Variants in ANKS1B observed in about 807,000 individuals in gnomAD.
ANKS1B encodes the protein ankyrin repeat and sterile alpha motif domain-containing protein 1B.
A neutral mutation model predicts 148.3 loss-of-function variants in ANKS1B; 36 were observed. The observed-to-expected ratio is 0.24, with a 90% CI of 0.19 to 0.32. The LOEUF (loss-of-function observed/expected upper bound fraction) is 0.32, where lower values mean the gene tolerates loss of function less well. ANKS1B is among the 10% of genes least tolerant of loss of function. The pLI is 1.00. For synonymous variants in ANKS1B, 542 were observed against 560.8 expected, an observed-to-expected ratio of 0.97 and a Z score of 0.47; for missense variants, 1,157 against 1,542.6, an observed-to-expected ratio of 0.75 and a Z score of 4.19.
At chr12:99,376,755 T>C (rs2093406447) in intron 12 of ANKS1B, among the ~76,000 whole-genome samples, 1 of 152,170 alleles carries the variant, frequency 6.6e-6, no homozygotes, top group Non-Finnish European at 1.5e-5. Flanking sequence ...CAAATATTTC[T>C]CTTGATGACA....
chr12:99,138,775 C>T (rs575831023), intron 15 of ANKS1B, among the ~76,000 whole-genome samples: 2 of 152,270 alleles, frequency 1.3e-5, no homozygotes, highest in African/African-American at 4.8e-5. Flanking sequence ...GTTCCATTCA[C>T]TGTTATGTCC....
At chr12:99,723,346 T>C (rs1200905367) in intron 8 of ANKS1B, among the ~76,000 whole-genome samples, 3 of 151,634 alleles carry the variant, frequency 2.0e-5, no homozygotes, top group Non-Finnish European at 4.4e-5. Context: ...CCGAGAGGGG[T>C]CCCCCGCAGC....
chr12:99,157,767 T>C (rs1944002006), intron 14 of ANKS1B, among the ~76,000 whole-genome samples: 1 of 152,100 alleles, frequency 6.6e-6, no homozygotes, highest in Admixed American at 6.6e-5. Flanking sequence ...TTTGGATATA[T>C]CCATGTAACA....
rs922546684 is a variant in ANKS1B at position 98,846,210 on chromosome 12, T to G, written c.2779-14074A>C. ...GGAATGCACACTGGCTCCAGCAGTA[T>G]CCTGTAAGATTTAGCTCTTTTAAAT... On this transcript the variant is annotated intron_variant, in intron 17 of 26. Coordinates refer to ENST00000683438, the MANE Select transcript of ANKS1B (RefSeq NM_001352186.2). Among the ~76,000 whole-genome samples, 7 of 152,312 alleles carry G rather than the reference T, an allele frequency of 4.6e-5. 1 individual carries two copies. Among genetic ancestry groups the G allele is most frequent in the East Asian group, 1.9e-4 (1 of 5,176 alleles).
At chr12:99,356,512 T>C (rs759755446) in intron 12 of ANKS1B, among the ~76,000 whole-genome samples, 2 of 152,132 alleles carry the variant, frequency 1.3e-5, no homozygotes, top group Non-Finnish European at 2.9e-5. Flanking sequence ...TGTGCTTCAA[T>C]TGACCAAGCT....
chr12:99,185,415 C>T (rs1329794532), intron 14 of ANKS1B, among the ~76,000 whole-genome samples: 2 of 152,108 alleles, frequency 1.3e-5, no homozygotes, highest in African/African-American at 4.8e-5. Flanking sequence ...GGTTTGTGTT[C>T]TACTGGGAAC....
At chr12:99,345,051 A>G (rs1275064236) in intron 12 of ANKS1B, 1 of 152,056 alleles carries the variant, frequency 6.6e-6, no homozygotes, top group Non-Finnish European at 1.5e-5. Flanking sequence ...GAAAAAGACA[A>G]CCTGGGAACT....
At chr12:99,276,767 C>T (rs147864347) in intron 12 of ANKS1B, among the ~76,000 whole-genome samples, 9 of 152,288 alleles carry the variant, frequency 5.9e-5, no homozygotes, top group African/African-American at 2.2e-4. Flanking sequence ...TCACACTGTG[C>T]CTGCCATTTT....
chr12:98,928,244 T>C (rs1379324507), intron 17 of ANKS1B, among the ~76,000 whole-genome samples: 1 of 150,164 alleles, frequency 6.7e-6, no homozygotes, highest in East Asian at 1.9e-4. Context: ...TCAAGAAAAA[T>C]TCAAAAATCT....
In ANKS1B at chr12:99,003,657, T is replaced by G. The variant is rs973119461; in HGVS notation, c.2778+49500A>C. Among the ~76,000 whole-genome samples the G allele has an allele frequency of 3.3e-5, 5 of 152,236 alleles. No homozygotes were observed. In the East Asian group the frequency reaches 9.6e-4, roughly 29 times the overall value. On this transcript the variant is annotated intron_variant, in intron 17 of 26. Transcript: ENST00000683438. Reference sequence around the variant, plus strand: ...TGTACCTATTTGTTTCATGGCTCTATGAAGGCAGGACCATGTCTCTTTTAC... The same window carrying G: ...TGTACCTATTTGTTTCATGGCTCTAGGAAGGCAGGACCATGTCTCTTTTAC...
intron 17 of ANKS1B, among the ~76,000 whole-genome samples, chr12:99,038,761 G>A (rs1373666766): frequency 2.6e-5 from 4 of 152,202 alleles, no homozygotes; most frequent in Non-Finnish European, 5.9e-5. Context: ...ATCTGCACTT[G>A]CCGCTCCCTC....
At chr12:99,095,501 A>G (rs1054011404) in intron 15 of ANKS1B, among the ~76,000 whole-genome samples, 4 of 152,208 alleles carry the variant, frequency 2.6e-5, no homozygotes, top group East Asian at 1.9e-4. Flanking sequence ...TGGACCTCCA[A>G]TGATAGATAT....
At chr12:99,178,355 A>G (rs530089488) in intron 14 of ANKS1B, among the ~76,000 whole-genome samples, 1 of 152,332 alleles carries the variant, frequency 6.6e-6, no homozygotes, top group African/African-American at 2.4e-5. Context: ...ACAATGGGTA[A>G]TGCACATGTC....
intron 12 of ANKS1B, among the ~76,000 whole-genome samples, chr12:99,299,266 G>C (rs1168532779): frequency 6.6e-6 from 1 of 152,048 alleles, no homozygotes; most frequent in Non-Finnish European, 1.5e-5. Flanking sequence ...TCGCTATGTT[G>C]TCCAGGCTGG....
At chr12:99,694,480 C>T (rs2053606170) in intron 8 of ANKS1B, among the ~76,000 whole-genome samples, 1 of 151,338 alleles carries the variant, frequency 6.6e-6, no homozygotes, top group Non-Finnish European at 1.5e-5. Flanking sequence ...ATGGACTTAC[C>T]CTCTATTTTC....
intron 17 of ANKS1B, among the ~76,000 whole-genome samples, chr12:98,952,868 T>C (rs2099856167): frequency 6.6e-6 from 1 of 152,146 alleles, no homozygotes. Context: ...ACTTCCTTTA[T>C]TTTTTTAAGA....
At chr12:99,759,984 T>C (rs1373235203) in intron 8 of ANKS1B, among the ~76,000 whole-genome samples, 1 of 151,760 alleles carries the variant, frequency 6.6e-6, no homozygotes, top group African/African-American at 2.4e-5. Context: ...TGGCCAATAA[T>C]ATATCTGAAG....
At chr12:99,811,159 G>GA (rs1258474125) in intron 3 of ANKS1B, among the ~76,000 whole-genome samples, 1 of 151,624 alleles carries the variant, frequency 6.6e-6, no homozygotes, top group African/African-American at 2.4e-5. Flanking sequence ...TATTTTCATT[G>GA]AAAAAATATG....
chr12:98,870,478 CCTTTT>C (rs990868654), intron 17 of ANKS1B, among the ~76,000 whole-genome samples: 11 of 152,320 alleles, frequency 7.2e-5, no homozygotes, highest in Admixed American at 1.3e-4. Context: ...CCTCCCTCAC[CCTTTT>C]CTTTTCTTTG....
Sources: gnomAD v4.1 joint callset for allele counts (sites outside exome capture counted in the v4.1 genomes callset) on GRCh38, gnomAD v4.1.1 for gene constraint, MANE v1.5 for transcripts, NCBI Gene and HGNC (gene_info 2026-07-23, HGNC 2026-07-21) for gene names.